Variants in PIP5K1B observed in about 807,000 individuals in gnomAD.
PIP5K1B encodes phosphatidylinositol 4-phosphate 5-kinase type-1 beta.
A neutral mutation model predicts 67.0 loss-of-function variants in PIP5K1B; 42 were observed. The observed-to-expected ratio is 0.63, with a 90% CI of 0.49 to 0.81. The LOEUF (loss-of-function observed/expected upper bound fraction) is 0.81, where lower values mean the gene tolerates loss of function less well. Among genes scored for constraint, PIP5K1B ranks in the 30% least tolerant of loss-of-function variants. PIP5K1B has a pLI of 0.00. For missense variants in PIP5K1B, 459 were observed against 646.3 expected (o/e 0.71, Z 3.14); for synonymous variants, 214 against 231.4 (o/e 0.92, Z 0.68).
At chr9:69,006,522 A>G (rs1831088463) in intron 15 of PIP5K1B, among the ~76,000 whole-genome samples, 1 of 152,168 alleles carries the variant, frequency 6.6e-6, no homozygotes, top group African/African-American at 2.4e-5. Context: ...CAATACCGGG[A>G]CTAAACTAAT....
At chr9:68,956,927 G>A (rs1249312669) in intron 14 of PIP5K1B, among the ~76,000 whole-genome samples, 1 of 152,140 alleles carries the variant, frequency 6.6e-6, no homozygotes, top group Non-Finnish European at 1.5e-5. Context: ...GTGTTCCCCA[G>A]AGGGCAGTAC....
intron 5 of PIP5K1B, among the ~76,000 whole-genome samples, chr9:68,865,791 G>A (rs981115827): frequency 7.2e-5 from 11 of 152,184 alleles, no homozygotes; most frequent in African/African-American, 2.7e-4. Flanking sequence ...AAACTCTGTG[G>A]GTGGGAACCA....
intron 4 of PIP5K1B, among the ~76,000 whole-genome samples, chr9:68,861,020 T>C (rs1244165412): frequency 2.0e-5 from 3 of 152,206 alleles, no homozygotes; most frequent in Non-Finnish European, 2.9e-5. Context: ...AAACACTACA[T>C]TAGTATGTGC....
chr9:68,940,886 C>A, intron 14 of PIP5K1B, 96 bp downstream of exon 14: 1 of 1,097,512 alleles, frequency 9.1e-7, no homozygotes, highest in Non-Finnish European at 1.4e-6. Flanking sequence ...TCTCTAACAA[C>A]CAGGATGTGC....
chr9:68,975,827 T>C (rs1829609985), intron 14 of PIP5K1B, among the ~76,000 whole-genome samples: 1 of 152,170 alleles, frequency 6.6e-6, no homozygotes, highest in Non-Finnish European at 1.5e-5. Context: ...TCCATGGAGC[T>C]TTCCTTGTGT....
At chr9:68,807,770 G>A (rs1205872280) in intron 2 of PIP5K1B, among the ~76,000 whole-genome samples, 2 of 151,874 alleles carry the variant, frequency 1.3e-5, no homozygotes, top group Non-Finnish European at 2.9e-5. Context: ...TGTACTCTTA[G>A]GAAAAAAAGA....
intron 2 of PIP5K1B, among the ~76,000 whole-genome samples, chr9:68,801,915 A>C (rs1297613068): frequency 6.6e-6 from 1 of 152,220 alleles, no homozygotes; most frequent in African/African-American, 2.4e-5. Context: ...GGCGATAGAG[A>C]GTGAAGTCAG....
chr9:68,998,293 G>A (rs1051532670), intron 15 of PIP5K1B, among the ~76,000 whole-genome samples: 53 of 152,040 alleles, frequency 3.5e-4, no homozygotes, highest in African/African-American at 1.0e-3. Flanking sequence ...GACCTCAAGC[G>A]ATCCGCCCAC....
At chr9:68,896,381 A>G (rs570355132) in intron 8 of PIP5K1B, among the ~76,000 whole-genome samples, 1 of 151,306 alleles carries the variant, frequency 6.6e-6, no homozygotes, top group African/African-American at 2.4e-5. Context: ...TAAAAGAGCC[A>G]TTGCTCAGGA....
chr9:68,851,857 C>T (rs10869415), intron 4 of PIP5K1B, among the ~76,000 whole-genome samples: 63,355 of 152,106 alleles, frequency 0.42, 13,288 homozygotes, highest in South Asian at 0.45. Context: ...TGGAAAGCAG[C>T]TGCAGAGCCG....
intron 2 of PIP5K1B, among the ~76,000 whole-genome samples, chr9:68,744,971 C>T (rs1056567935): frequency 4.6e-5 from 7 of 152,216 alleles, no homozygotes; most frequent in African/African-American, 1.7e-4. Flanking sequence ...TACATATGCT[C>T]ATGGTGTGGT....
intron 1 of PIP5K1B, among the ~76,000 whole-genome samples, chr9:68,738,928 G>A (rs2132310384): frequency 6.6e-6 from 1 of 152,018 alleles, no homozygotes; most frequent in East Asian, 1.9e-4. Context: ...TCAGGCCCAT[G>A]CCTCAACATT....
intron 8 of PIP5K1B, among the ~76,000 whole-genome samples, chr9:68,914,079 A>G (rs1825975374): frequency 6.6e-6 from 1 of 152,226 alleles, no homozygotes; most frequent in South Asian, 2.1e-4. Flanking sequence ...AAAGTATTTC[A>G]TTTTTAAAAA....
intron 12 of PIP5K1B, among the ~76,000 whole-genome samples, chr9:68,926,260 TTTTC>T (rs1306805563): frequency 6.6e-6 from 1 of 151,978 alleles, no homozygotes; most frequent in African/African-American, 2.4e-5. Context: ...CTTGGGAGGT[TTTTC>T]TTTCTTAGGG....
rs1250930940 is a variant in PIP5K1B, at chr9:68,780,958, C to T, written c.-85-37503C>T. On this transcript the variant is annotated intron_variant, in intron 2 of 15. Coordinates refer to ENST00000265382, the MANE Select transcript of PIP5K1B (RefSeq NM_003558.4). ...TCACCAGCGAAAGTCAGCACTACCA[C>T]CGACTCTCCTGTGTCACCTGCCCAA... The T allele has an allele frequency of 1.7e-5, 27 of 1,614,090 alleles. No individual in the cohort carries two copies. Among genetic ancestry groups the T allele is most frequent in the Non-Finnish European group, 2.0e-5 (24 of 1,180,036 alleles).
rs889603093 is a variant in PIP5K1B at position 68,952,871 on chromosome 9, C to CTAT, written c.1502+12098_1502+12100dup. Among the ~76,000 whole-genome samples the CTAT allele has an allele frequency of 3.5e-4, 52 of 149,688 alleles. No individual in the cohort carries two copies. The East Asian group carries it at 8.6e-3, about 25-fold the overall frequency. ...TCTTCCTTCCTTTCTTTCTTTCTTC[C>CTAT]TATTATTATTATTATTATTGCAGAA... On this transcript the variant is annotated intron_variant, in intron 14 of 15. Coordinates refer to ENST00000265382, the MANE Select transcript of PIP5K1B (RefSeq NM_003558.4).
chr9:68,716,790 A>G (rs1827654864), intron 1 of PIP5K1B, among the ~76,000 whole-genome samples: 1 of 152,252 alleles, frequency 6.6e-6, no homozygotes, highest in South Asian at 2.1e-4. Context: ...ACCTGCACTC[A>G]CACGTTCATT....
intron 1 of PIP5K1B, among the ~76,000 whole-genome samples, chr9:68,725,211 G>C (rs1828094090): frequency 6.6e-6 from 1 of 152,166 alleles, no homozygotes; most frequent in Non-Finnish European, 1.5e-5. Flanking sequence ...GCATACACTT[G>C]CACAAGTTGA....
At chr9:68,971,973 A>G (rs898078402) in intron 14 of PIP5K1B, among the ~76,000 whole-genome samples, 6 of 152,206 alleles carry the variant, frequency 3.9e-5, no homozygotes, top group African/African-American at 1.4e-4. Flanking sequence ...TTTGCTATGC[A>G]GGAGCTCTTT....
Sources: allele counts gnomAD v4.1 joint callset (sites outside exome capture counted in the v4.1 genomes callset), GRCh38; gene constraint gnomAD v4.1.1; transcripts MANE v1.5; gene names NCBI Gene and HGNC (gene_info 2026-07-23, HGNC 2026-07-21).